LYN: variants seen among roughly 807,000 people sequenced by gnomAD.
LYN encodes the protein tyrosine-protein kinase Lyn.
A neutral mutation model predicts 65.0 loss-of-function variants in LYN; 12 were observed. That is an observed-to-expected ratio of 0.18 (90% confidence interval 0.12 to 0.30). The LOEUF is 0.30. LYN is among the 10% of genes least tolerant of loss of function. The pLI is 1.00. For synonymous variants in LYN, 222 were observed against 221.2 expected (o/e 1.00, Z -0.03); for missense variants, 380 against 623.2 (o/e 0.61, Z 4.16).
intron 8 of LYN, among the ~76,000 whole-genome samples, chr8:55,957,811 G>A (rs1417133888): frequency 6.6e-6 from 1 of 152,122 alleles, no homozygotes. Context: ...GTTGAGCATG[G>A]TGGTGTTGCA....
rs547270859 is a variant in LYN, at chr8:55,910,302, T to G, written c.-6+30199T>G. Among the ~76,000 whole-genome samples, 18 of 152,338 alleles carry G rather than the reference T, an allele frequency of 1.2e-4. No homozygotes were observed. In the East Asian group the frequency reaches 2.5e-3, roughly 21 times the overall value. On this transcript the variant is annotated intron_variant, in intron 1 of 12. Transcript: ENST00000519728. Reference sequence around the variant, plus strand: ...CATGTCATACATTTAAGTCTTTAATTCATCTTGAGTTGATTTTTGTATATG... The same window carrying G: ...CATGTCATACATTTAAGTCTTTAATGCATCTTGAGTTGATTTTTGTATATG...
intron 9 of LYN, among the ~76,000 whole-genome samples, chr8:55,967,947 A>G (rs1585649826): frequency 1.3e-5 from 2 of 152,362 alleles, no homozygotes; most frequent in South Asian, 2.1e-4. Flanking sequence ...CTCATGCACA[A>G]TGGAGATGAT....
intron 12 of LYN, among the ~76,000 whole-genome samples, chr8:56,003,120 C>T (rs1469074376): frequency 2.0e-5 from 3 of 149,452 alleles, no homozygotes; most frequent in East Asian, 2.0e-4. Context: ...AGTGCAGTGG[C>T]GTGATCTCGG....
intron 1 of LYN, among the ~76,000 whole-genome samples, chr8:55,890,126 A>AAAAAAAAAAAAAAAAAAAAAT (rs1804913278): frequency 6.6e-6 from 1 of 150,402 alleles, no homozygotes; most frequent in African/African-American, 2.4e-5. Flanking sequence ...ACAAAAAAAA[A>AAAAAAAAAAAAAAAAAAAAAT]AAAAAAAAAA....
intron 10 of LYN, among the ~76,000 whole-genome samples, chr8:55,985,044 TTCAATAG>T (rs1191402668): frequency 1.3e-5 from 2 of 152,210 alleles, no homozygotes; most frequent in African/African-American, 4.8e-5. Flanking sequence ...TCCTGTGGGC[TTCAATAG>T]TCGGGAAACA....
intron 1 of LYN, among the ~76,000 whole-genome samples, chr8:55,888,089 T>C (rs920758024): frequency 3.9e-5 from 6 of 152,164 alleles, no homozygotes; most frequent in African/African-American, 1.4e-4. Context: ...ATGTTGTAAA[T>C]AGAACATTTT....
chr8:55,890,139 G>A (rs376508272), intron 1 of LYN, among the ~76,000 whole-genome samples: 7,299 of 81,618 alleles, frequency 0.089, 170 homozygotes, highest in Non-Finnish European at 0.11. Context: ...AAAAAAAAAA[G>A]AATAAATAAA....
intron 2 of LYN, 120 bp downstream of exon 2, chr8:55,942,111 A>G: frequency 2.1e-6 from 2 of 941,266 alleles, no homozygotes; most frequent in Non-Finnish European, 3.2e-6. Context: ...TGGTCCTCAA[A>G]TAATTTTTGA....
At chr8:55,918,209 A>T (rs935638684) in intron 1 of LYN, among the ~76,000 whole-genome samples, 1 of 152,188 alleles carries the variant, frequency 6.6e-6, no homozygotes, top group African/African-American at 2.4e-5. Flanking sequence ...GTTTCCTTCC[A>T]CAAGGCCTCA....
chr8:55,947,754 C>T (rs772534446), intron 4 of LYN, 31 bp downstream of exon 4: 22 of 1,474,134 alleles, frequency 1.5e-5, no homozygotes, highest in African/African-American at 8.3e-5. Flanking sequence ...CACGGCTGCT[C>T]GTTTCCTCAG....
intron 10 of LYN, chr8:55,980,251 C>G (rs1251094894): frequency 6.6e-6 from 1 of 152,070 alleles, no homozygotes; most frequent in Non-Finnish European, 1.5e-5. Flanking sequence ...GAGATGGGGT[C>G]TCACTATTTT....
chr8:55,987,071 T>C (rs1396082011), intron 10 of LYN, among the ~76,000 whole-genome samples: 1 of 152,202 alleles, frequency 6.6e-6, no homozygotes, highest in African/African-American at 2.4e-5. Context: ...GCCTCTTTTT[T>C]TTCCACTGCC....
chr8:55,950,592 A>G (rs7813271), intron 5 of LYN, 35 bp downstream of exon 5: 300,131 of 1,581,486 alleles, frequency 0.19, 31,463 homozygotes, highest in African/African-American at 0.4. Context: ...TGGTGGCTTT[A>G]TTTGCCACAT....
chr8:55,969,682 T>C (rs749699585), intron 9 of LYN, 35 bp from the exon 10 acceptor site: 11 of 1,490,390 alleles, frequency 7.4e-6, no homozygotes, highest in Non-Finnish European at 1.0e-5. Context: ...CTTGTGTGTT[T>C]GGAATGCACT....
At chr8:56,007,800 T>C (rs1369491139) in intron 12 of LYN, among the ~76,000 whole-genome samples, 2 of 152,214 alleles carry the variant, frequency 1.3e-5, no homozygotes. Context: ...TTTTCTGTTT[T>C]ATTCTGTTAT....
At chr8:55,935,792 A>C (rs1205358769) in intron 1 of LYN, among the ~76,000 whole-genome samples, 2 of 151,896 alleles carry the variant, frequency 1.3e-5, no homozygotes, top group Non-Finnish European at 2.9e-5. Flanking sequence ...AAAAAAAAAA[A>C]AAAAAACAGG....
intron 10 of LYN, among the ~76,000 whole-genome samples, chr8:55,992,295 T>C (rs1808270101): frequency 6.6e-6 from 1 of 152,086 alleles, no homozygotes; most frequent in Non-Finnish European, 1.5e-5. Context: ...CCCAGAGCTG[T>C]GATAGAGAGG....
At chr8:55,884,001 C>T (rs1804718452) in intron 1 of LYN, among the ~76,000 whole-genome samples, 1 of 152,096 alleles carries the variant, frequency 6.6e-6, no homozygotes, top group African/African-American at 2.4e-5. Flanking sequence ...GGGGAGATAC[C>T]CATGTGTAGA....
At chr8:55,947,783 C>A in intron 4 of LYN, 60 bp downstream of exon 4, 1 of 1,169,680 alleles carries the variant, frequency 8.5e-7, no homozygotes, top group Non-Finnish European at 1.3e-6. Context: ...GTCCTGCAGG[C>A]TGTCCCCTTG....
Sources: gnomAD v4.1 joint callset for allele counts (sites outside exome capture counted in the v4.1 genomes callset) on GRCh38, gnomAD v4.1.1 for gene constraint, MANE v1.5 for transcripts, NCBI Gene and HGNC (gene_info 2026-07-23, HGNC 2026-07-21) for gene names.